Variants in RABGAP1 observed in about 807,000 individuals in gnomAD.
The protein encoded by RABGAP1 is RAB GTPase activating protein 1.
Under a neutral mutation model 137.6 loss-of-function variants are expected in RABGAP1, and 23 were observed. That is an observed-to-expected ratio of 0.17 (90% CI 0.12 to 0.24). RABGAP1 has a LOEUF of 0.24. Ranked by LOEUF, RABGAP1 falls within the 10% of genes least tolerant of loss-of-function variation. The probability of loss-of-function intolerance (pLI) is 1.00; values close to 1 mark genes in which losing one functional copy is unlikely to be tolerated. For missense variants in RABGAP1, 906 were observed against 1,275.8 expected (o/e 0.71, Z 4.42); for synonymous variants, 451 against 450.7 (o/e 1.00, Z -0.01).
intron 12 of RABGAP1, 152 bp downstream of exon 12, chr9:123,015,788 AAGT>A: frequency 1.9e-6 from 1 of 535,574 alleles, no homozygotes; most frequent in East Asian, 3.1e-5. Context: ...ATATGAGTAA[AAGT>A]AGAGAATTGA....
At chr9:123,034,603 C>CATT in intron 13 of RABGAP1, 1 of 1,612,410 alleles carries the variant, frequency 6.2e-7, no homozygotes, top group South Asian at 1.1e-5. Flanking sequence ...GAGCAGCCAC[C>CATT]CTTTTTGCCT....
chr9:122,984,759 G>T (rs614274), intron 3 of RABGAP1, 40 bp downstream of exon 3: 1,246,089 of 1,570,186 alleles, frequency 0.79, 521,007 homozygotes, highest in Non-Finnish European at 0.86. Context: ...GAAGGTTATT[G>T]TTTTTAATAT....
chr9:123,005,289 T>G (rs79974557), intron 10 of RABGAP1, among the ~76,000 whole-genome samples: 4 of 12,704 alleles, frequency 3.1e-4, no homozygotes, highest in African/African-American at 5.3e-4. Flanking sequence ...GGGCTTGGGA[T>G]TTTTTTTTTT....
chr9:123,101,749 G>A lies in RABGAP1; in HGVS notation c.3073G>A (p.Glu1025Lys), dbSNP rs368387647. 70 of 1,609,386 alleles carry A rather than the reference G, an allele frequency of 4.3e-5. No individual in the cohort carries two copies. The highest frequency in any genetic ancestry group is 1.2e-4 in the African/African-American group (9 of 74,686). ...GACCAAACTCCAGCTGGTGGAGGCC[G>A]AGTGTAAGATACAGGTAACAGCAGC... ...AQTKLQLVEA[E>K]CKIQDLEHHL... Residue 1025 changes from glutamate (E) to lysine (K), a missense_variant, in exon 25 of 26, where the codon GAG becomes AAG. Glu to Lys is a moderately conservative substitution (Grantham distance 56). This residue lies in a region of RABGAP1 where 193 missense variants were observed against 248.1 expected (regional missense o/e 0.78). Coordinates refer to ENST00000373647, the MANE Select transcript of RABGAP1 (RefSeq NM_012197.4).
At chr9:123,054,907 G>C (rs6478590) in intron 13 of RABGAP1, among the ~76,000 whole-genome samples, 16,587 of 152,076 alleles carry the variant, frequency 0.11, 2,910 homozygotes, top group African/African-American at 0.37. Context: ...TGCTGTCAGC[G>C]TGACATCAGT....
At chr9:122,994,065 G>A (rs752399628) in intron 6 of RABGAP1, among the ~76,000 whole-genome samples, 9 of 152,132 alleles carry the variant, frequency 5.9e-5, no homozygotes, top group Admixed American at 2.0e-4. Flanking sequence ...AGTTTATACT[G>A]TGCTTATTTA....
intron 23 of RABGAP1, 122 bp from the exon 24 acceptor site, chr9:123,099,356 A>G: frequency 1.1e-6 from 1 of 877,804 alleles, no homozygotes. Flanking sequence ...TCCCCTCCTG[A>G]GCGGTAGCAG....
intron 6 of RABGAP1, among the ~76,000 whole-genome samples, chr9:122,993,774 C>T (rs1383353795): frequency 6.6e-6 from 1 of 152,182 alleles, no homozygotes; most frequent in African/African-American, 2.4e-5. Flanking sequence ...AGTGATTCTC[C>T]TGCCTCAGCC....
chr9:123,090,896 T>C (rs1246571287), intron 21 of RABGAP1, among the ~76,000 whole-genome samples: 1 of 152,232 alleles, frequency 6.6e-6, no homozygotes, highest in Admixed American at 6.5e-5. Flanking sequence ...ATGTCTTTCC[T>C]GGCAGAAACC....
chr9:122,946,962 A>G (rs1235531528), intron 1 of RABGAP1, among the ~76,000 whole-genome samples: 2 of 152,170 alleles, frequency 1.3e-5, no homozygotes, highest in Non-Finnish European at 2.9e-5. Flanking sequence ...GGATATCCCA[A>G]GTCTCTGAGA....
intron 13 of RABGAP1, among the ~76,000 whole-genome samples, chr9:123,035,962 A>G (rs546553949): frequency 3.3e-5 from 5 of 152,306 alleles, no homozygotes; most frequent in Admixed American, 6.5e-5. Context: ...CTGAGTGTGA[A>G]AAGCGTCAGC....
intron 2 of RABGAP1, among the ~76,000 whole-genome samples, chr9:122,972,382 G>A (rs993739399): frequency 2.0e-5 from 3 of 152,128 alleles, no homozygotes; most frequent in Non-Finnish European, 2.9e-5. Context: ...CCAATCTTGC[G>A]CTCATACAGC....
At chr9:122,960,638 A>G (rs963680081) in intron 2 of RABGAP1, among the ~76,000 whole-genome samples, 2 of 152,252 alleles carry the variant, frequency 1.3e-5, no homozygotes, top group Non-Finnish European at 2.9e-5. Context: ...AGAAACAAGA[A>G]AATATGACCC....
intron 13 of RABGAP1, among the ~76,000 whole-genome samples, chr9:123,057,500 T>C (rs1157614170): frequency 4.3e-5 from 6 of 138,544 alleles, no homozygotes; most frequent in Admixed American, 2.9e-4. Flanking sequence ...GGGATGGCGG[T>C]CGGGAAGAGG....
chr9:123,101,649 T>G lies in RABGAP1; in HGVS notation c.2973T>G (p.Val991=). 3 of 1,614,038 alleles carry G rather than the reference T, an allele frequency of 1.9e-6. No individual in the cohort carries two copies. Among genetic ancestry groups the G allele is most frequent in the Non-Finnish European group, 2.5e-6 (3 of 1,180,008 alleles). The change falls in exon 25 of 26, where the codon GTT becomes GTG. Residue 991 remains valine, a synonymous_variant. Coordinates refer to ENST00000373647, the MANE Select transcript of RABGAP1 (RefSeq NM_012197.4). Reference sequence around the variant, plus strand: ...AAGGCATAAGCTCAACCAAGGAGGTTTTAGATGAGGACACGGATGAAGAGA... The same window carrying G: ...AAGGCATAAGCTCAACCAAGGAGGTGTTAGATGAGGACACGGATGAAGAGA... The part of the protein sequence containing the change: ...RVKGISSTKE[V]LDEDTDEEKE...
intron 4 of RABGAP1, among the ~76,000 whole-genome samples, chr9:122,988,480 C>A (rs1836482156): frequency 7.0e-6 from 1 of 143,068 alleles, no homozygotes; most frequent in Non-Finnish European, 1.5e-5. Context: ...TGAATGGCAT[C>A]CTTTTGCTTT....
At chr9:123,041,950 A>G (rs2032973790) in intron 13 of RABGAP1, among the ~76,000 whole-genome samples, 2 of 152,138 alleles carry the variant, frequency 1.3e-5, no homozygotes, top group Admixed American at 1.3e-4. Context: ...CTGAATCCCC[A>G]TCCCACCTGA....
At chr9:122,955,489 A>G (rs1834464242) in intron 1 of RABGAP1, among the ~76,000 whole-genome samples, 1 of 152,212 alleles carries the variant, frequency 6.6e-6, no homozygotes, top group Admixed American at 6.5e-5. Flanking sequence ...CAGATGTGTA[A>G]TAGCTGTTAA....
At chr9:123,008,414 G>A (rs1038032185) in intron 10 of RABGAP1, among the ~76,000 whole-genome samples, 5 of 151,840 alleles carry the variant, frequency 3.3e-5, no homozygotes, top group Non-Finnish European at 5.9e-5. Flanking sequence ...GCATAGTGGC[G>A]GGCTCCTGTA....
Sources: gnomAD v4.1 joint callset for allele counts (sites outside exome capture counted in the v4.1 genomes callset) on GRCh38, gnomAD v4.1.1 for gene constraint, gnomAD v4.1.1 regional missense constraint, MANE v1.5 for transcripts, NCBI Gene and HGNC (gene_info 2026-07-23, HGNC 2026-07-21) for gene names.